RARB: variants seen among roughly 807,000 people sequenced by gnomAD.
RARB encodes the protein retinoic acid receptor beta, also known as HBV-activated protein.
A neutral mutation model predicts 51.9 loss-of-function variants in RARB; 17 were observed. The observed-to-expected ratio is 0.33, with a 90% confidence interval of 0.22 to 0.49. The LOEUF is 0.49. Among genes scored for constraint, RARB ranks in the 20% least tolerant of loss-of-function variants. The pLI, the probability that RARB is intolerant of heterozygous loss-of-function variation, is 0.99. For missense variants in RARB, 369 were observed against 550.8 expected, an observed-to-expected ratio of 0.67 and a Z score of 3.30; for synonymous variants, 215 against 195.4, an observed-to-expected ratio of 1.10 and a Z score of -0.84.
intron 3 of RARB, among the ~76,000 whole-genome samples, chr3:25,508,565 T>C (rs916822991): frequency 6.6e-6 from 1 of 152,184 alleles, no homozygotes; most frequent in African/African-American, 2.4e-5. Flanking sequence ...AGTTGGGAAA[T>C]TACATAAAAA....
At chr3:25,171,548 C>A (rs991890717) in intron 4 of RARB, among the ~76,000 whole-genome samples, 2 of 111,516 alleles carry the variant, frequency 1.8e-5, no homozygotes, top group African/African-American at 7.1e-5. Flanking sequence ...ACCAGACAGG[C>A]AAGATGCTGA....
At chr3:25,265,076 G>A (rs1043737593) in intron 5 of RARB, among the ~76,000 whole-genome samples, 11 of 152,144 alleles carry the variant, frequency 7.2e-5, no homozygotes, top group Non-Finnish European at 1.6e-4. Context: ...CCAATGCCTT[G>A]ATCTTGGACT....
chr3:25,237,918 T>C (rs1184873446), intron 5 of RARB, among the ~76,000 whole-genome samples: 1 of 152,152 alleles, frequency 6.6e-6, no homozygotes. Context: ...TGTACATATA[T>C]AGAGAGAGTA....
intron 4 of RARB, among the ~76,000 whole-genome samples, chr3:25,164,873 G>A (rs751505094): frequency 1.3e-5 from 2 of 152,106 alleles, no homozygotes; most frequent in Non-Finnish European, 2.9e-5. Context: ...TCTCTGTCTT[G>A]CTCTTTTCAG....
chr3:24,843,931 A>G (rs1158394079), intron 1 of RARB, among the ~76,000 whole-genome samples: 2 of 151,868 alleles, frequency 1.3e-5, no homozygotes, highest in African/African-American at 4.8e-5. Flanking sequence ...ACACACACAC[A>G]CACACATTCT....
chr3:25,286,935 C>T (rs1404566920), intron 5 of RARB, among the ~76,000 whole-genome samples: 1 of 152,094 alleles, frequency 6.6e-6, no homozygotes, highest in African/African-American at 2.4e-5. Flanking sequence ...GTATCATGGC[C>T]AGAAATGAAA....
chr3:25,175,876 G>A (rs564574375), intron 5 of RARB, among the ~76,000 whole-genome samples: 12 of 152,152 alleles, frequency 7.9e-5, no homozygotes, highest in South Asian at 4.1e-4. Context: ...CCAAAGCGGC[G>A]TATTGACTAT....
intron 2 of RARB, among the ~76,000 whole-genome samples, chr3:25,472,321 G>C (rs185095102): frequency 5.9e-5 from 9 of 152,288 alleles, no homozygotes; most frequent in African/African-American, 1.9e-4. Context: ...GGGGGAGGCA[G>C]TACACCTGCT....
intron 2 of RARB, among the ~76,000 whole-genome samples, chr3:25,040,324 A>AG (rs1419910815): frequency 6.6e-6 from 1 of 152,200 alleles, no homozygotes; most frequent in Non-Finnish European, 1.5e-5. Flanking sequence ...ATTTGGGTTA[A>AG]GGGGAAGCCA....
At chr3:24,900,742 A>G (rs555071589) in intron 2 of RARB, among the ~76,000 whole-genome samples, 1 of 152,312 alleles carries the variant, frequency 6.6e-6, no homozygotes, top group African/African-American at 2.4e-5. Context: ...TACTTCTTAG[A>G]TGTTGCTAAG....
At chr3:25,087,817 T>G (rs2125315618) in intron 3 of RARB, among the ~76,000 whole-genome samples, 1 of 152,058 alleles carries the variant, frequency 6.6e-6, no homozygotes, top group South Asian at 2.1e-4. Flanking sequence ...TAGCATTATT[T>G]ATTTAACTTC....
chr3:25,527,711 A>G (rs1698712971), intron 3 of RARB, among the ~76,000 whole-genome samples: 1 of 152,198 alleles, frequency 6.6e-6, no homozygotes. Flanking sequence ...TTTCGAGGGT[A>G]GATAGATGCT....
At chr3:25,243,239 T>G (rs1009931489) in intron 5 of RARB, among the ~76,000 whole-genome samples, 15 of 152,208 alleles carry the variant, frequency 9.9e-5, no homozygotes, top group African/African-American at 3.6e-4. Flanking sequence ...AAATATACAA[T>G]CATGTCATCT....
intron 5 of RARB, among the ~76,000 whole-genome samples, chr3:25,210,917 A>T (rs1350029359): frequency 6.6e-6 from 1 of 151,986 alleles, no homozygotes; most frequent in Non-Finnish European, 1.5e-5. Flanking sequence ...ATTATTTTTT[A>T]ATGTTGATAT....
chr3:25,580,841 G>T (rs1001680858), intron 5 of RARB, 119 bp downstream of exon 5: 1 of 1,132,164 alleles, frequency 8.8e-7, no homozygotes, highest in African/African-American at 1.5e-5. Context: ...TTCGACTCTA[G>T]CACTCACCTG....
intron 1 of RARB, among the ~76,000 whole-genome samples, chr3:25,430,618 A>G (rs941226446): frequency 1.3e-5 from 2 of 152,224 alleles, no homozygotes; most frequent in African/African-American, 4.8e-5. Context: ...AAGTTAAACA[A>G]GGGATTTGCT....
chr3:25,176,830 G>T (rs1458193271), intron 5 of RARB, among the ~76,000 whole-genome samples: 1 of 152,140 alleles, frequency 6.6e-6, no homozygotes, highest in Admixed American at 6.5e-5. Context: ...TAAAGTACAA[G>T]ATGCCATTAC....
At chr3:25,493,450 A>G (rs1696850937) in intron 2 of RARB, among the ~76,000 whole-genome samples, 1 of 152,112 alleles carries the variant, frequency 6.6e-6, no homozygotes, top group Non-Finnish European at 1.5e-5. Context: ...AGCATTTACT[A>G]CTGGCTGGAA....
chr3:25,240,683 A>G (rs1248894938), intron 5 of RARB, among the ~76,000 whole-genome samples: 2 of 152,014 alleles, frequency 1.3e-5, no homozygotes, highest in African/African-American at 4.8e-5. Flanking sequence ...GATGAACCCC[A>G]CTTGTTCATG....
Sources: allele counts gnomAD v4.1 joint callset (sites outside exome capture counted in the v4.1 genomes callset), GRCh38; gene constraint gnomAD v4.1.1; transcripts MANE v1.5; gene names NCBI Gene and HGNC (gene_info 2026-07-23, HGNC 2026-07-21).